The following WHRN variants were observed in gnomAD, a reference collection of about 807,000 sequenced individuals.
The protein encoded by WHRN is CASK-interacting protein CIP98.
In WHRN, 41 loss-of-function variants were observed where a neutral mutation model predicts 68.3. The observed-to-expected ratio is 0.60, with a 90% CI of 0.47 to 0.78. The LOEUF is 0.78. Ranked by LOEUF, WHRN falls within the 30% of genes least tolerant of loss-of-function variation. WHRN has a pLI of 0.00. For missense variants in WHRN, 1,243 were observed against 1,244.7 expected (o/e 1.00, Z 0.02); for synonymous variants, 560 against 561.3 (o/e 1.00, Z 0.03).
chr9:114,451,451 C>T (rs967635608), intron 3 of WHRN, among the ~76,000 whole-genome samples: 2 of 152,164 alleles, frequency 1.3e-5, no homozygotes, highest in African/African-American at 2.4e-5. Flanking sequence ...CAAGGAATCA[C>T]CTGGACAGGG....
At chr9:114,454,426 ATTCTAT>A (rs1170269139) in intron 3 of WHRN, among the ~76,000 whole-genome samples, 2 of 152,234 alleles carry the variant, frequency 1.3e-5, no homozygotes, top group African/African-American at 4.8e-5. Context: ...ATAAAAATCA[ATTCTAT>A]TTCTAACAAT....
At chr9:114,498,612 C>T (rs1375150265) in intron 1 of WHRN, among the ~76,000 whole-genome samples, 1 of 152,116 alleles carries the variant, frequency 6.6e-6, no homozygotes, top group Non-Finnish European at 1.5e-5. Context: ...CTCAGACCGC[C>T]CCCCAACCTT....
chr9:114,457,699 TGA>T (rs1839919355), intron 3 of WHRN, among the ~76,000 whole-genome samples: 1 of 152,116 alleles, frequency 6.6e-6, no homozygotes, highest in Non-Finnish European at 1.5e-5. Flanking sequence ...GTGGATCACT[TGA>T]GGTTAGGAGT....
chr9:114,429,541 T>C (rs918044809), intron 3 of WHRN, among the ~76,000 whole-genome samples: 1 of 152,172 alleles, frequency 6.6e-6, no homozygotes, highest in African/African-American at 2.4e-5. Flanking sequence ...CCCAGCAATA[T>C]CTGCAATTCT....
intron 1 of WHRN, among the ~76,000 whole-genome samples, chr9:114,479,406 A>G (rs1240008308): frequency 6.6e-6 from 1 of 152,160 alleles, no homozygotes; most frequent in African/African-American, 2.4e-5. Context: ...GACTCTGCCC[A>G]ATGCACCCTT....
At position 114,402,593 on chromosome 9, in the gene WHRN, C is replaced by G; in HGVS notation, c.*161G>C. The G allele has an allele frequency of 1.1e-6, 1 of 902,494 alleles. No individual in the cohort carries two copies. Among genetic ancestry groups the G allele is most frequent in the South Asian group, 1.4e-5 (1 of 71,382 alleles). The allele number at this position is 902,494 out of a possible 1,614,324, so 55.9% of individuals were successfully genotyped here. A position where few individuals can be genotyped will look rare whatever the true frequency, so the allele number is the denominator to read the frequency against. ...CTGTCTGCCTTGTCCTGCTCTCTTC[C>G]TCTCCCAGTTCTGGTCCAGTGGGCT... On this transcript the variant is annotated 3_prime_UTR_variant, in exon 12 of 12. Transcript: ENST00000362057.
intron 7 of WHRN, among the ~76,000 whole-genome samples, chr9:114,413,479 T>A (rs1163950612): frequency 6.6e-6 from 1 of 151,864 alleles, no homozygotes; most frequent in Non-Finnish European, 1.5e-5. Context: ...GAGTGAAGGG[T>A]CAGGGGCCAG....
chr9:114,479,101 T>G (rs1054421680), intron 1 of WHRN, among the ~76,000 whole-genome samples: 1 of 152,204 alleles, frequency 6.6e-6, no homozygotes, highest in African/African-American at 2.4e-5. Flanking sequence ...GAACTTGGAT[T>G]TGGGGAGTGT....
intron 3 of WHRN, among the ~76,000 whole-genome samples, chr9:114,459,079 A>T (rs4978589): frequency 0.75 from 113,496 of 152,060 alleles, 42,560 homozygotes; most frequent in East Asian, 0.97. Flanking sequence ...ATATGATGTG[A>T]AAAGAACATT....
chr9:114,487,838 T>C (rs1842671796), intron 1 of WHRN, among the ~76,000 whole-genome samples: 1 of 152,168 alleles, frequency 6.6e-6, no homozygotes, highest in Admixed American at 6.5e-5. Context: ...TGGACAGGGC[T>C]GGGTGGAGGC....
intron 3 of WHRN, 27 bp from the exon 4 acceptor site, chr9:114,426,440 C>A: frequency 6.2e-7 from 1 of 1,612,962 alleles, no homozygotes; most frequent in South Asian, 1.1e-5. Flanking sequence ...ACAATACAGT[C>A]ACCTGGGCTG....
intron 1 of WHRN, chr9:114,503,419 G>C (rs1351306855): frequency 6.5e-6 from 1 of 152,768 alleles, no homozygotes; most frequent in African/African-American, 2.4e-5. Flanking sequence ...ACTCCAACTG[G>C]TTTTCAGTAG....
intron 3 of WHRN, among the ~76,000 whole-genome samples, chr9:114,455,264 G>A (rs1200776343): frequency 6.6e-6 from 1 of 152,086 alleles, no homozygotes; most frequent in African/African-American, 2.4e-5. Context: ...CGTTGCCCAG[G>A]CTGGAGTGCA....
intron 3 of WHRN, among the ~76,000 whole-genome samples, chr9:114,451,658 T>TGC (rs1274471986): frequency 6.6e-6 from 1 of 151,908 alleles, no homozygotes; most frequent in Non-Finnish European, 1.5e-5. Context: ...GGGAAGGCCC[T>TGC]GCCCTGTGTC....
chr9:114,471,442 G>A (rs998350716), intron 2 of WHRN, among the ~76,000 whole-genome samples: 2 of 152,230 alleles, frequency 1.3e-5, no homozygotes, highest in Non-Finnish European at 2.9e-5. Context: ...CAGTGCCTGG[G>A]CATTTAACCA....
At chr9:114,442,569 G>A (rs1432228516) in intron 3 of WHRN, among the ~76,000 whole-genome samples, 2 of 152,188 alleles carry the variant, frequency 1.3e-5, no homozygotes, top group Non-Finnish European at 2.9e-5. Context: ...TTGCAGGTGG[G>A]CCTAGTGGGA....
At chr9:114,486,951 GTGTGTGTGTATATATATATATATATATA>G (rs1205294463) in intron 1 of WHRN, among the ~76,000 whole-genome samples, 7 of 90,294 alleles carry the variant, frequency 7.8e-5, no homozygotes, top group African/African-American at 3.6e-4. Context: ...TTGTGTGTGT[GTGTGTGTGTATATATATATATATATATA>G]TATATATATA....
intron 1 of WHRN, among the ~76,000 whole-genome samples, chr9:114,500,081 C>A (rs938612786): frequency 1.3e-5 from 2 of 152,270 alleles, no homozygotes; most frequent in South Asian, 2.1e-4. Context: ...ATTAAATTTT[C>A]TAAAACCTTG....
At position 114,504,624 on chromosome 9, in the gene WHRN, G is replaced by A; in HGVS notation, c.178C>T (p.His60Tyr). The change falls in exon 1 of 12, where the codon CAC becomes TAC. Residue 60 changes from histidine to tyrosine, a missense_variant. Transcript: ENST00000362057. ...CGCGCGTGGTAAGCGTTCAGGCAGT[G>A]GGTGAACTGCTCCCGCTCCGCCTCG... ...LSEAEREQFT[H>Y]CLNAYHARRN... 1 of 1,610,056 alleles carries A rather than the reference G, an allele frequency of 6.2e-7. No homozygotes were observed.
Sources: gnomAD v4.1 joint callset for allele counts (sites outside exome capture counted in the v4.1 genomes callset) on GRCh38, gnomAD v4.1.1 for gene constraint, MANE v1.5 for transcripts, NCBI Gene and HGNC (gene_info 2026-07-23, HGNC 2026-07-21) for gene names.